MYH10: variants seen among roughly 807,000 people sequenced by gnomAD.
MYH10 encodes myosin-10.
MYH10 carries 55 observed loss-of-function variants against 257.8 expected under a neutral mutation model. The observed-to-expected ratio is 0.21, with a 90% CI of 0.17 to 0.27. MYH10 has a LOEUF of 0.27. Among genes scored for constraint, MYH10 ranks in the 10% least tolerant of loss-of-function variants. MYH10 has a pLI of 1.00. For missense variants in MYH10, 1,631 were observed against 2,500.6 expected (o/e 0.65, Z 7.42); for synonymous variants, 854 against 921.7 (o/e 0.93, Z 1.33).
Position 8,487,580 on chromosome 17 carries a change from C to G in MYH10, c.4899G>C (p.Glu1633Asp). The G allele has an allele frequency of 3.7e-6, 6 of 1,614,182 alleles. No homozygotes were observed. The highest frequency in any genetic ancestry group is 5.1e-6 in the Non-Finnish European group (6 of 1,180,048). Reference sequence around the variant, plus strand: ...GTTTCCTCTCATCCTCCAGCTCCGCCTCGAGCTCCCGCACCTAATGGACAA... The same window carrying G: ...GTTTCCTCTCATCCTCCAGCTCCGCGTCGAGCTCCCGCACCTAATGGACAA... ...RLLIKQVRELEAELEDERKQR... is the reference protein window; with the variant it reads ...RLLIKQVRELDAELEDERKQR... The change falls in exon 36 of 43, where the codon GAG becomes GAC. Residue 1633 changes from glutamate to aspartate, a missense_variant. This residue lies in a region of MYH10 where 463 missense variants were observed against 621.8 expected (regional missense o/e 0.74). Transcript: ENST00000360416.
rs1913471500 is a variant in MYH10 at position 8,480,259 on chromosome 17, A to G, written c.5448T>C (p.Asn1816=). ...TCTGCCGCTCCAGTTGCTGGCGTGC[A>G]TTGTCACTCTTCTGGGCGGCGCTGC... ...AERSAAQKSD[N]ARQQLERQNK... is the part of the protein sequence containing the mutation. The change falls in exon 40 of 43, where the codon AAT becomes AAC. Residue 1816 remains asparagine, a synonymous_variant. Transcript: ENST00000360416. 1 of 1,613,968 alleles carries G rather than the reference A, an allele frequency of 6.2e-7. No individual in the cohort carries two copies. Among genetic ancestry groups the G allele is most frequent in the East Asian group, 2.2e-5 (1 of 44,878 alleles).
chr17:8,606,356 G>A (rs1022699715), intron 2 of MYH10, among the ~76,000 whole-genome samples: 4 of 152,192 alleles, frequency 2.6e-5, no homozygotes, highest in African/African-American at 9.7e-5. Flanking sequence ...CTAAGGGACT[G>A]AAGGCATCTG....
In MYH10 at chr17:8,603,206, T is replaced by C. The variant is rs367698363; in HGVS notation, c.502+1620A>G. ...AAATGTATCATTATCCCTCCCAGTT[T>C]CATGCCATTGACAAATTTTACAGGA... On this transcript the variant is annotated intron_variant, in intron 3 of 42. Transcript: ENST00000360416. Among the ~76,000 whole-genome samples, 19 of 152,332 alleles carry C rather than the reference T, an allele frequency of 1.2e-4. No individual in the cohort carries two copies. In the East Asian group the frequency reaches 3.3e-3, roughly 26 times the overall value.
intron 3 of MYH10, among the ~76,000 whole-genome samples, chr17:8,600,402 A>AG (rs2084546603): frequency 6.6e-6 from 1 of 152,186 alleles, no homozygotes. Context: ...TTCTCCTAAG[A>AG]AGTCCAATCT....
intron 25 of MYH10, among the ~76,000 whole-genome samples, chr17:8,509,178 G>C (rs551845431): frequency 6.6e-6 from 1 of 152,220 alleles, no homozygotes; most frequent in African/African-American, 2.4e-5. Context: ...ACTTTTGTGT[G>C]GATATGTTTA....
chr17:8,610,743 C>T (rs1160592601), intron 2 of MYH10, among the ~76,000 whole-genome samples: 1 of 152,210 alleles, frequency 6.6e-6, no homozygotes, highest in Non-Finnish European at 1.5e-5. Context: ...AAGAAGGCCC[C>T]ACCAGATGCA....
intron 4 of MYH10, among the ~76,000 whole-genome samples, chr17:8,582,564 G>A (rs934822867): frequency 1.3e-5 from 2 of 152,230 alleles, no homozygotes; most frequent in African/African-American, 4.8e-5. Flanking sequence ...AAAGCAAGGA[G>A]GCTTCTAGCT....
chr17:8,484,347 G>T, intron 36 of MYH10, 81 bp from the exon 37 acceptor site: 2 of 1,388,828 alleles, frequency 1.4e-6, no homozygotes, highest in Non-Finnish European at 9.8e-7. Context: ...GATGAGCCCT[G>T]GCTGTGTTGC....
intron 37 of MYH10, among the ~76,000 whole-genome samples, chr17:8,481,853 C>A (rs1160615770): frequency 6.6e-6 from 1 of 152,210 alleles, no homozygotes; most frequent in Non-Finnish European, 1.5e-5. Flanking sequence ...CAGTGCGGAT[C>A]CAGGCAGCTG....
intron 16 of MYH10, among the ~76,000 whole-genome samples, chr17:8,533,197 A>C (rs2082050680): frequency 6.6e-6 from 1 of 152,078 alleles, no homozygotes; most frequent in Admixed American, 6.5e-5. Flanking sequence ...TGCCTGTTTC[A>C]CTTCTTCGAA....
chr17:8,474,227 T>C lies in MYH10; in HGVS notation c.*1577A>G, dbSNP rs982271473. On this transcript the variant is annotated 3_prime_UTR_variant, in exon 43 of 43. Coordinates refer to ENST00000360416, the MANE Select transcript of MYH10 (RefSeq NM_001256012.3). ...AGATTCCACGTTCACATGATTATTCTTGTTTATTGAGGTCTCTTTATTCTC... is the reference window on the plus strand; with the variant it reads ...AGATTCCACGTTCACATGATTATTCCTGTTTATTGAGGTCTCTTTATTCTC... The C allele has an allele frequency of 6.5e-6, 1 of 152,700 alleles. No individual in the cohort carries two copies. Among genetic ancestry groups the C allele is most frequent in the Non-Finnish European group, 1.5e-5 (1 of 68,052 alleles). The allele number at this position is 152,700 out of a possible 1,614,324, so 9.5% of individuals were successfully genotyped here.
At chr17:8,536,124 A>G (rs1597766539) in intron 14 of MYH10, among the ~76,000 whole-genome samples, 193 bp from the exon 15 acceptor site, 1 of 152,336 alleles carries the variant, frequency 6.6e-6, no homozygotes, top group East Asian at 1.9e-4. Context: ...CTAAATAAGT[A>G]CTAACAAGAA....
rs186159056 is a variant in MYH10, at chr17:8,509,708, T to G, written c.3090+104A>C. 1.7e-5 allele frequency: 19 copies of G among 1,150,128 alleles called. 1 individual carries two copies. The African/African-American group carries it at 2.6e-4, about 16-fold the overall frequency. The allele number at this position is 1,150,128 out of a possible 1,614,324, so 71.2% of individuals were successfully genotyped here. ...AATTCAGTAAATGAACCTAAAATCTTGAGAAATTTCTGTTTGAGTTCACTT... is the reference window on the plus strand; with the variant it reads ...AATTCAGTAAATGAACCTAAAATCTGGAGAAATTTCTGTTTGAGTTCACTT... On this transcript the variant is annotated intron_variant, in intron 25 of 42. Transcript: ENST00000360416.
At chr17:8,532,515 T>C (rs1444993642) in intron 16 of MYH10, among the ~76,000 whole-genome samples, 1 of 152,336 alleles carries the variant, frequency 6.6e-6, no homozygotes, top group Admixed American at 6.5e-5. Flanking sequence ...CTGTAAGACA[T>C]AGCATCTGTG....
At chr17:8,479,169 T>C (rs915619961) in intron 40 of MYH10, among the ~76,000 whole-genome samples, 1 of 152,228 alleles carries the variant, frequency 6.6e-6, no homozygotes, top group Non-Finnish European at 1.5e-5. Flanking sequence ...TATTAAGTGA[T>C]TGTTTCACTT....
intron 8 of MYH10, among the ~76,000 whole-genome samples, chr17:8,553,143 C>T (rs567645410): frequency 1.1e-4 from 16 of 152,316 alleles, no homozygotes; most frequent in Non-Finnish European, 2.2e-4. Context: ...GAAAGACACA[C>T]TCATATGAAT....
chr17:8,585,286 G>GTATATATA (rs71361807), intron 4 of MYH10, among the ~76,000 whole-genome samples: 23,496 of 84,596 alleles, frequency 0.28, 4,130 homozygotes, highest in Admixed American at 0.42. Flanking sequence ...ATGTGTGTGT[G>GTATATATA]TGTATATATA....
At chr17:8,519,309 C>T (rs1245225610) in intron 19 of MYH10, among the ~76,000 whole-genome samples, 1 of 152,162 alleles carries the variant, frequency 6.6e-6, no homozygotes, top group Non-Finnish European at 1.5e-5. Flanking sequence ...CTTTAAGTCA[C>T]TGTCAATTTG....
Position 8,630,717 on chromosome 17 carries a change from G to C in MYH10, c.-95C>G, listed in dbSNP as rs1417880592. ...CCGCGACCACAGATCCAGCGCCTCA[G>C]TCCCAAACCCACCGCTGCCTCCGCC... On this transcript the variant is annotated 5_prime_UTR_variant, in exon 1 of 43. Coordinates refer to ENST00000360416, the MANE Select transcript of MYH10 (RefSeq NM_001256012.3). The C allele has an allele frequency of 3.3e-5, 5 of 153,130 alleles. No individual in the cohort carries two copies. The highest frequency in any genetic ancestry group is 1.2e-4 in the African/African-American group (5 of 41,466). The allele number at this position is 153,130 out of a possible 1,614,324, so 9.5% of individuals were successfully genotyped here. A position where few individuals can be genotyped will look rare whatever the true frequency, so the allele number is the denominator to read the frequency against.
Sources: gnomAD v4.1 joint callset for allele counts (sites outside exome capture counted in the v4.1 genomes callset) on GRCh38, gnomAD v4.1.1 for gene constraint, gnomAD v4.1.1 regional missense constraint, MANE v1.5 for transcripts, NCBI Gene and HGNC (gene_info 2026-07-23, HGNC 2026-07-21) for gene names.